The following SPEF2 variants were observed in gnomAD, a reference collection of about 807,000 sequenced individuals.
The protein encoded by SPEF2 is sperm flagella and cilia-associated protein 2.
In SPEF2, 187 loss-of-function variants were observed where a neutral mutation model predicts 224.6. The observed-to-expected ratio is 0.83, with a 90% CI of 0.74 to 0.94. The LOEUF (loss-of-function observed/expected upper bound fraction) is 0.94. Ranked by LOEUF, SPEF2 falls within the 40% of genes least tolerant of loss-of-function variation. The pLI is 0.00. For missense variants in SPEF2, 2,170 were observed against 2,135.6 expected (o/e 1.02, Z -0.32); for synonymous variants, 715 against 707.3 (o/e 1.01, Z -0.17).
intron 12 of SPEF2, among the ~76,000 whole-genome samples, chr5:35,693,545 G>T (rs138470061): frequency 7.9e-5 from 12 of 152,158 alleles, no homozygotes; most frequent in Admixed American, 1.3e-4. Context: ...GGAAAATGTA[G>T]CCCCACCTTC....
At chr5:35,712,005 A>G (rs1741247397) in intron 19 of SPEF2, among the ~76,000 whole-genome samples, 1 of 152,102 alleles carries the variant, frequency 6.6e-6, no homozygotes, top group African/African-American at 2.4e-5. Context: ...TAATTGGGGC[A>G]TCTCCAGATC....
Position 35,795,691 on chromosome 5 carries a change from T to C in SPEF2, c.4738-12T>C. 1 of 1,605,722 alleles carries C rather than the reference T, an allele frequency of 6.2e-7. No homozygotes were observed. Among genetic ancestry groups the C allele is most frequent in the Non-Finnish European group, 8.5e-7 (1 of 1,177,014 alleles). ...CATACTTTAACAATTTTCATTTTTA[T>C]TTTTTATGTAGGCTGGTCTGTGGTT... On this transcript the variant is annotated splice_polypyrimidine_tract_variant and intron_variant, in intron 32 of 36. Coordinates refer to ENST00000356031, the MANE Select transcript of SPEF2 (RefSeq NM_024867.4).
intron 20 of SPEF2, 78 bp from the exon 21 acceptor site, chr5:35,727,597 A>G: frequency 8.2e-7 from 1 of 1,223,950 alleles, no homozygotes; most frequent in South Asian, 1.5e-5. Flanking sequence ...GTCCATGGTA[A>G]TTATAGATGT....
chr5:35,787,924 G>A (rs1231464953), intron 30 of SPEF2: 1 of 619,424 alleles, frequency 1.6e-6, no homozygotes, highest in Non-Finnish European at 2.9e-6. Context: ...GGCCGCAGAA[G>A]CTTGACCATT....
chr5:35,644,249 A>T, intron 3 of SPEF2, 106 bp from the exon 4 acceptor site: 1 of 974,484 alleles, frequency 1.0e-6, no homozygotes. Context: ...TATCAACAAT[A>T]GTAATTTAAA....
chr5:35,669,678 A>G (rs1442212854), intron 9 of SPEF2, among the ~76,000 whole-genome samples: 1 of 152,028 alleles, frequency 6.6e-6, no homozygotes, highest in Non-Finnish European at 1.5e-5. Context: ...AGAACAATAT[A>G]TCTAAAAATA....
At chr5:35,645,687 GCAGA>G (rs1300433213) in intron 4 of SPEF2, among the ~76,000 whole-genome samples, 2 of 152,116 alleles carry the variant, frequency 1.3e-5, no homozygotes, top group Non-Finnish European at 2.9e-5. Context: ...CAAGCCTAAT[GCAGA>G]CAGTCTCCAA....
intron 21 of SPEF2, among the ~76,000 whole-genome samples, chr5:35,736,179 A>T (rs1443006559): frequency 6.6e-6 from 1 of 152,222 alleles, no homozygotes; most frequent in Non-Finnish European, 1.5e-5. Context: ...AGTTGAACCA[A>T]GTCAATGCAG....
At chr5:35,770,617 T>G (rs1423258739) in intron 26 of SPEF2, among the ~76,000 whole-genome samples, 1 of 151,912 alleles carries the variant, frequency 6.6e-6, no homozygotes, top group Non-Finnish European at 1.5e-5. Flanking sequence ...AGTATTTGCC[T>G]TTCTGTGCCT....
In SPEF2 at chr5:35,740,017, T is replaced by C. The variant is rs1407686786; in HGVS notation, c.3162T>C (p.His1054=). The stretch of plus-strand genomic sequence containing the variant: ...TCAGGCATCTGAGGGAAGACCAGCA[T>C]ACTGTGCTTGCTTACTTATATGAGA... ...TVLRHLREDQ[H]TVLAYLYEIR... Residue 1054 remains histidine, a synonymous_variant, in exon 22 of 37, where the codon CAT becomes CAC. Transcript: ENST00000356031. 7 of 1,614,050 alleles carry C rather than the reference T, an allele frequency of 4.3e-6. No individual in the cohort carries two copies. The highest frequency in any genetic ancestry group is 5.1e-6 in the Non-Finnish European group (6 of 1,180,024).
At chr5:35,646,052 T>G (rs975403457) in intron 4 of SPEF2, among the ~76,000 whole-genome samples, 12 of 152,172 alleles carry the variant, frequency 7.9e-5, no homozygotes, top group Admixed American at 2.0e-4. Context: ...GATTTTTCAG[T>G]CACTTTTTCT....
At chr5:35,694,508 C>A in intron 13 of SPEF2, 145 bp downstream of exon 13, 3 of 626,788 alleles carry the variant, frequency 4.8e-6, no homozygotes, top group Non-Finnish European at 8.2e-6. Context: ...GGCCATTTGA[C>A]AGAGGGAGCA....
chr5:35,766,519 T>G (rs890279103), intron 26 of SPEF2, among the ~76,000 whole-genome samples: 1 of 152,082 alleles, frequency 6.6e-6, no homozygotes, highest in African/African-American at 2.4e-5. Context: ...TCACTTCTGA[T>G]GTTTATTATT....
Position 35,687,003 on chromosome 5 carries a change from C to G in SPEF2, c.1525-4034C>G, listed in dbSNP as rs532708908. On this transcript the variant is annotated intron_variant, in intron 10 of 36. Coordinates refer to ENST00000356031, the MANE Select transcript of SPEF2 (RefSeq NM_024867.4). ...TTTATTTTTATAGAGTATAATCAAA[C>G]TACCAACTTTTTCCTTTGTGGTTTT... 6.6e-5 allele frequency among the ~76,000 whole-genome samples: 10 copies of G among 152,042 alleles called. No individual in the cohort carries two copies. The South Asian group carries it at 1.0e-3, about 16-fold the overall frequency.
rs140435266 is a variant in SPEF2, at chr5:35,621,291, A to G, written c.58+3236A>G. ...TCACTTATTGAGCATTTATGTGGGTATACCATACCCTGTTCTAAGCCCTTT... is the reference window on the plus strand; with the variant it reads ...TCACTTATTGAGCATTTATGTGGGTGTACCATACCCTGTTCTAAGCCCTTT... On this transcript the variant is annotated intron_variant, in intron 1 of 36. Coordinates refer to ENST00000356031, the MANE Select transcript of SPEF2 (RefSeq NM_024867.4). Among the ~76,000 whole-genome samples, 3 of 152,306 alleles carry G rather than the reference A, an allele frequency of 2.0e-5. No homozygotes were observed. In the East Asian group the frequency reaches 5.8e-4, roughly 29 times the overall value.
intron 23 of SPEF2, among the ~76,000 whole-genome samples, chr5:35,740,541 C>G (rs1210985829): frequency 6.6e-6 from 1 of 152,152 alleles, no homozygotes; most frequent in Non-Finnish European, 1.5e-5. Context: ...GTCCCTTAGT[C>G]TCTTTGTGGG....
At chr5:35,787,500 C>T (rs10043797) in intron 30 of SPEF2, among the ~76,000 whole-genome samples, 2,979 of 152,106 alleles carry the variant, frequency 0.02, 118 homozygotes, top group African/African-American at 0.069. Context: ...TCATACAAGA[C>T]GCGTGTAAGA....
chr5:35,753,482 C>A, intron 23 of SPEF2, 142 bp from the exon 24 acceptor site: 1 of 1,046,534 alleles, frequency 9.6e-7, no homozygotes, highest in Non-Finnish European at 1.4e-6. Flanking sequence ...GTTGAATGAG[C>A]ACATACAATA....
chr5:35,808,179 T>G (rs1758294651), intron 36 of SPEF2: 1 of 964,096 alleles, frequency 1.0e-6, no homozygotes, highest in Non-Finnish European at 1.2e-6. Context: ...TTGCTGATCC[T>G]TTTAAATATT....
Sources: allele counts gnomAD v4.1 joint callset (sites outside exome capture counted in the v4.1 genomes callset), GRCh38; gene constraint gnomAD v4.1.1; transcripts MANE v1.5; gene names NCBI Gene and HGNC (gene_info 2026-07-23, HGNC 2026-07-21).